Variants in ROBO2 observed in about 807,000 individuals in gnomAD.
The protein encoded by ROBO2 is roundabout homolog 2.
Under a neutral mutation model 160.8 loss-of-function variants are expected in ROBO2, and 53 were observed. The observed-to-expected ratio is 0.33, with a 90% CI of 0.26 to 0.41. ROBO2 has a LOEUF of 0.41. ROBO2 is among the 10% of genes least tolerant of loss of function. ROBO2 has a pLI of 1.00. For missense variants in ROBO2, 1,577 were observed against 1,722.4 expected (o/e 0.92, Z 1.49); for synonymous variants, 664 against 611.7 (o/e 1.09, Z -1.26).
At chr3:75,999,405 A>G (rs929904226) in intron 2 of ROBO2, among the ~76,000 whole-genome samples, 3 of 152,206 alleles carry the variant, frequency 2.0e-5, no homozygotes, top group African/African-American at 7.2e-5. Flanking sequence ...AAACAGTTTT[A>G]GGTTCACAGC....
intron 6 of ROBO2, among the ~76,000 whole-genome samples, chr3:77,531,184 T>G (rs1187154765): frequency 6.6e-6 from 1 of 151,952 alleles, no homozygotes; most frequent in African/African-American, 2.4e-5. Context: ...GTTTAAAATA[T>G]CAAAAAACAA....
At chr3:76,515,680 GTTAT>G (rs1198857252) in intron 2 of ROBO2, among the ~76,000 whole-genome samples, 1 of 152,086 alleles carries the variant, frequency 6.6e-6, no homozygotes, top group Non-Finnish European at 1.5e-5. Context: ...CTGGCACTGT[GTTAT>G]TTGTTATTAA....
At chr3:75,971,963 G>C (rs181981497) in intron 2 of ROBO2, among the ~76,000 whole-genome samples, 203 of 151,684 alleles carry the variant, frequency 1.3e-3, no homozygotes, top group African/African-American at 4.5e-3. Flanking sequence ...GTTATGTTGT[G>C]AAATCGAAGC....
At chr3:76,499,377 T>A (rs1243005122) in intron 2 of ROBO2, among the ~76,000 whole-genome samples, 1 of 152,192 alleles carries the variant, frequency 6.6e-6, no homozygotes, top group African/African-American at 2.4e-5. Flanking sequence ...TAGGAGTCCC[T>A]TTGTTGACAC....
intron 2 of ROBO2, among the ~76,000 whole-genome samples, chr3:75,947,569 A>T (rs1479260101): frequency 2.6e-5 from 4 of 152,182 alleles, no homozygotes; most frequent in Admixed American, 2.0e-4. Context: ...CTCCTGATCT[A>T]GATGAAACCC....
intron 2 of ROBO2, among the ~76,000 whole-genome samples, chr3:76,823,793 A>C (rs1478739599): frequency 6.6e-6 from 1 of 152,194 alleles, no homozygotes; most frequent in Non-Finnish European, 1.5e-5. Flanking sequence ...TAACGGAATA[A>C]TATTTTAACA....
intron 2 of ROBO2, among the ~76,000 whole-genome samples, chr3:76,785,086 C>T (rs1675886995): frequency 6.6e-6 from 1 of 151,106 alleles, no homozygotes; most frequent in African/African-American, 2.4e-5. Flanking sequence ...ATTCTGTTTG[C>T]TGATGTCATT....
chr3:76,221,437 G>C (rs1248607985), intron 2 of ROBO2, among the ~76,000 whole-genome samples: 2 of 151,490 alleles, frequency 1.3e-5, no homozygotes, highest in South Asian at 4.2e-4. Context: ...GGTAACTCAG[G>C]GTGACGGTGA....
intron 2 of ROBO2, among the ~76,000 whole-genome samples, chr3:76,233,700 G>A (rs772678606): frequency 1.3e-4 from 20 of 152,080 alleles, no homozygotes; most frequent in East Asian, 1.9e-4. Context: ...CTTCATGCCC[G>A]GACTTATCCT....
At chr3:77,108,037 CAT>C (rs1326757911) in intron 2 of ROBO2, among the ~76,000 whole-genome samples, 1 of 151,598 alleles carries the variant, frequency 6.6e-6, no homozygotes, top group African/African-American at 2.4e-5. Context: ...TTTTTCTTAA[CAT>C]GAGGTATATT....
intron 2 of ROBO2, among the ~76,000 whole-genome samples, chr3:76,948,443 G>T (rs1559748649): frequency 6.6e-6 from 1 of 151,272 alleles, no homozygotes; most frequent in African/African-American, 2.4e-5. Context: ...TTAACCATTC[G>T]TATTTTAATA....
intron 2 of ROBO2, among the ~76,000 whole-genome samples, chr3:76,537,668 C>T (rs1007329517): frequency 1.3e-5 from 2 of 152,100 alleles, no homozygotes; most frequent in Admixed American, 1.3e-4. Flanking sequence ...TCCCTGGTTT[C>T]AGCACCAAGT....
At chr3:77,487,639 G>A (rs757679947) in intron 4 of ROBO2, among the ~76,000 whole-genome samples, 28 of 152,076 alleles carry the variant, frequency 1.8e-4, no homozygotes, top group Non-Finnish European at 3.8e-4. Context: ...AATAAAAGGA[G>A]ACCTACCAGG....
intron 2 of ROBO2, among the ~76,000 whole-genome samples, chr3:77,373,790 C>G (rs1267551503): frequency 6.7e-6 from 1 of 150,096 alleles, no homozygotes. Flanking sequence ...CTACCTTGCT[C>G]TTGTCTGAGC....
chr3:77,320,662 G>T (rs1391031248), intron 2 of ROBO2, among the ~76,000 whole-genome samples: 2 of 151,962 alleles, frequency 1.3e-5, no homozygotes, highest in African/African-American at 4.8e-5. Context: ...CCAGACAAGG[G>T]AGAGGACTTG....
Position 76,713,495 on chromosome 3 carries a change from T to C in ROBO2, c.110-384519T>C, listed in dbSNP as rs1259553274. 3.3e-5 allele frequency among the ~76,000 whole-genome samples: 5 copies of C among 152,160 alleles called. No individual in the cohort carries two copies. The East Asian group carries it at 9.6e-4, about 29-fold the overall frequency. On this transcript the variant is annotated intron_variant, in intron 2 of 26. Transcript: ENST00000487694. Reference sequence around the variant, plus strand: ...AATAAAATATTTCCGAGGAACTGTATTGGATGTAGTTTAATATTCAAATGA... The same window carrying C: ...AATAAAATATTTCCGAGGAACTGTACTGGATGTAGTTTAATATTCAAATGA...
chr3:76,447,231 G>A (rs1241515327), intron 2 of ROBO2, among the ~76,000 whole-genome samples: 6 of 152,160 alleles, frequency 3.9e-5, no homozygotes, highest in African/African-American at 1.4e-4. Flanking sequence ...AGCGGGTGAA[G>A]GATATGAACA....
At chr3:76,810,197 G>T (rs976956275) in intron 2 of ROBO2, among the ~76,000 whole-genome samples, 6 of 151,994 alleles carry the variant, frequency 3.9e-5, no homozygotes, top group African/African-American at 1.5e-4. Context: ...CCATATTGGA[G>T]GGCAGAGAAA....
intron 2 of ROBO2, among the ~76,000 whole-genome samples, chr3:77,245,325 A>G (rs2089599479): frequency 6.6e-6 from 1 of 152,162 alleles, no homozygotes; most frequent in South Asian, 2.1e-4. Context: ...TTGCTACATC[A>G]TCTGTTCTAA....
Sources: gnomAD v4.1 joint callset for allele counts (sites outside exome capture counted in the v4.1 genomes callset) on GRCh38, gnomAD v4.1.1 for gene constraint, MANE v1.5 for transcripts, NCBI Gene and HGNC (gene_info 2026-07-23, HGNC 2026-07-21) for gene names.